The following TNIK variants were observed in gnomAD, a reference collection of about 807,000 sequenced individuals.
TNIK encodes the protein TRAF2 and NCK interacting kinase, also known as TRAF2 and NCK-interacting protein kinase.
A neutral mutation model predicts 191.3 loss-of-function variants in TNIK; 49 were observed. The observed-to-expected ratio is 0.26, with a 90% confidence interval of 0.20 to 0.32. The LOEUF is 0.32. Ranked by LOEUF, TNIK falls within the 10% of genes least tolerant of loss-of-function variation. TNIK has a pLI of 1.00. For synonymous variants in TNIK, 594 were observed against 600.9 expected, an observed-to-expected ratio of 0.99 and a Z score of 0.17; for missense variants, 1,155 against 1,702.3, an observed-to-expected ratio of 0.68 and a Z score of 5.66.
At chr3:171,421,893 G>C (rs994353744) in intron 1 of TNIK, among the ~76,000 whole-genome samples, 12 of 151,930 alleles carry the variant, frequency 7.9e-5, no homozygotes, top group African/African-American at 2.9e-4. Context: ...CATCAAGCCT[G>C]GATAATTTTT....
intron 2 of TNIK, among the ~76,000 whole-genome samples, chr3:171,272,338 C>T (rs1749211096): frequency 6.6e-6 from 1 of 152,164 alleles, no homozygotes; most frequent in Admixed American, 6.5e-5. Context: ...TTCCAAGATC[C>T]AGAAGCCAGG....
intron 18 of TNIK, among the ~76,000 whole-genome samples, chr3:171,119,044 T>C (rs187938529): frequency 0.079 from 12,035 of 152,136 alleles, 1,552 homozygotes; most frequent in African/African-American, 0.27. Context: ...GCAATCTACT[T>C]ATCTGACAAA....
At chr3:171,391,106 GA>G (rs1362674716) in intron 1 of TNIK, among the ~76,000 whole-genome samples, 2 of 152,216 alleles carry the variant, frequency 1.3e-5, no homozygotes, top group African/African-American at 4.8e-5. Flanking sequence ...CATCTTCCCA[GA>G]GGATGCATCT....
intron 2 of TNIK, among the ~76,000 whole-genome samples, chr3:171,349,281 A>T (rs1712758897): frequency 6.6e-6 from 1 of 152,220 alleles, no homozygotes; most frequent in Non-Finnish European, 1.5e-5. Context: ...CATATTTTTC[A>T]GAATTAGTGG....
intron 12 of TNIK, among the ~76,000 whole-genome samples, chr3:171,153,958 C>T (rs1372457405): frequency 6.6e-6 from 1 of 152,160 alleles, no homozygotes; most frequent in Admixed American, 6.5e-5. Context: ...CAGATCTAAT[C>T]GTCACAATGG....
At chr3:171,353,674 C>T (rs930688084) in intron 2 of TNIK, among the ~76,000 whole-genome samples, 1 of 152,150 alleles carries the variant, frequency 6.6e-6, no homozygotes, top group Non-Finnish European at 1.5e-5. Flanking sequence ...CTTAAACTAT[C>T]AAGAGTTCTG....
chr3:171,266,251 T>TA (rs1198161920), intron 2 of TNIK, among the ~76,000 whole-genome samples: 2 of 152,224 alleles, frequency 1.3e-5, no homozygotes, highest in Non-Finnish European at 2.9e-5. Flanking sequence ...AAAAGTATTG[T>TA]AAGCTGCTAA....
chr3:171,133,752 T>C (rs935044505), intron 15 of TNIK, among the ~76,000 whole-genome samples: 3 of 152,066 alleles, frequency 2.0e-5, no homozygotes, highest in Non-Finnish European at 2.9e-5. Flanking sequence ...ATAAACTAAC[T>C]AATATAAAAG....
intron 7 of TNIK, among the ~76,000 whole-genome samples, chr3:171,183,332 A>G (rs1183071929): frequency 2.6e-5 from 4 of 152,256 alleles, no homozygotes; most frequent in Non-Finnish European, 4.4e-5. Flanking sequence ...AGCAGAGAGC[A>G]GCACGGCAGT....
At chr3:171,203,518 T>G (rs1363349329) in intron 4 of TNIK, among the ~76,000 whole-genome samples, 1 of 152,210 alleles carries the variant, frequency 6.6e-6, no homozygotes, top group African/African-American at 2.4e-5. Flanking sequence ...AGGCCCAATA[T>G]TTCTAGATCA....
intron 2 of TNIK, among the ~76,000 whole-genome samples, chr3:171,365,613 G>GA (rs966047602): frequency 6.6e-5 from 10 of 152,286 alleles, no homozygotes; most frequent in Non-Finnish European, 1.3e-4. Context: ...ACATTCAAAG[G>GA]AACTGCAGGA....
chr3:171,311,363 G>A (rs1175239441), intron 2 of TNIK, among the ~76,000 whole-genome samples: 1 of 152,194 alleles, frequency 6.6e-6, no homozygotes, highest in African/African-American at 2.4e-5. Context: ...GGGAAATGCA[G>A]AAGGAACAAG....
intron 21 of TNIK, among the ~76,000 whole-genome samples, chr3:171,105,234 G>A (rs933726143): frequency 3.3e-5 from 5 of 152,184 alleles, no homozygotes; most frequent in Admixed American, 3.3e-4. Flanking sequence ...AGGGAGAAAG[G>A]TGTAGTTCAA....
intron 1 of TNIK, among the ~76,000 whole-genome samples, chr3:171,392,193 C>T (rs1204408959): frequency 3.3e-5 from 5 of 152,120 alleles, no homozygotes; most frequent in Non-Finnish European, 7.4e-5. Flanking sequence ...CACAGGCACT[C>T]AGGAAATACT....
At chr3:171,441,922 TC>T (rs1012161287) in intron 1 of TNIK, among the ~76,000 whole-genome samples, 1 of 152,228 alleles carries the variant, frequency 6.6e-6, no homozygotes, top group African/African-American at 2.4e-5. Context: ...TTATGCACAT[TC>T]CAAGTTTCAC....
intron 16 of TNIK, 140 bp downstream of exon 16, chr3:171,128,574 C>T: frequency 9.2e-7 from 1 of 1,082,422 alleles, no homozygotes; most frequent in Non-Finnish European, 1.2e-6. Context: ...AGTGGGGCCA[C>T]CTATTTTACT....
chr3:171,386,371 G>A (rs575655040), intron 1 of TNIK, among the ~76,000 whole-genome samples: 154 of 152,200 alleles, frequency 1.0e-3, no homozygotes, highest in African/African-American at 3.7e-3. Flanking sequence ...TTTGGTGTTC[G>A]TGGTGTTTTT....
chr3:171,379,217 C>T (rs1717682119), intron 1 of TNIK, among the ~76,000 whole-genome samples: 1 of 152,134 alleles, frequency 6.6e-6, no homozygotes, highest in African/African-American at 2.4e-5. Flanking sequence ...CATATTCATA[C>T]TCACAGTTAG....
intron 2 of TNIK, among the ~76,000 whole-genome samples, chr3:171,244,161 T>C (rs1745323412): frequency 6.6e-6 from 1 of 150,966 alleles, no homozygotes; most frequent in South Asian, 2.1e-4. Flanking sequence ...GCCTCCCGGG[T>C]TCACACCACT....
Sources: gnomAD v4.1 joint callset for allele counts (sites outside exome capture counted in the v4.1 genomes callset) on GRCh38, gnomAD v4.1.1 for gene constraint, MANE v1.5 for transcripts, NCBI Gene and HGNC (gene_info 2026-07-23, HGNC 2026-07-21) for gene names.